Variants in CYLD observed in about 807,000 individuals in gnomAD.
CYLD encodes the protein CYLD lysine 63 deubiquitinase.
Under a neutral mutation model 104.5 loss-of-function variants are expected in CYLD, and 26 were observed. The ratio of observed to expected loss-of-function variants is 0.25; its 90% CI spans 0.18 to 0.35. CYLD has a LOEUF of 0.35. Among genes scored for constraint, CYLD ranks in the 10% least tolerant of loss-of-function variants. CYLD has a pLI of 1.00. For synonymous variants in CYLD, 385 were observed against 399.9 expected (o/e 0.96, Z 0.45); for missense variants, 703 against 1,136.1 (o/e 0.62, Z 5.48).
rs1972077262 is a variant in CYLD, at chr16:50,796,643, C to T, written c.*135C>T. On this transcript the variant is annotated 3_prime_UTR_variant, in exon 19 of 19. Coordinates refer to ENST00000427738, the MANE Select transcript of CYLD (RefSeq NM_001378743.1). Reference sequence around the variant, plus strand: ...GTGATGATCCTTCAGAAAAGGATGCCTCTGTTTAAAAACAAATTGCTTTTG... The same window carrying T: ...GTGATGATCCTTCAGAAAAGGATGCTTCTGTTTAAAAACAAATTGCTTTTG... 1.1e-6 allele frequency: 1 copy of T among 929,348 alleles called. No homozygotes were observed. Among genetic ancestry groups the T allele is most frequent in the South Asian group, 1.4e-5 (1 of 73,324 alleles). The allele number at this position is 929,348 out of a possible 1,614,324, so 57.6% of individuals were successfully genotyped here. A position where few individuals can be genotyped will look rare whatever the true frequency, so the allele number is the denominator to read the frequency against.
rs60845592 is a variant in CYLD at position 50,791,731 on chromosome 16, T to C, written c.2241+41T>C. 65 of 1,608,022 alleles carry C rather than the reference T, an allele frequency of 4.0e-5. No homozygotes were observed. The African/African-American group carries it at 7.5e-4, about 18-fold the overall frequency. Reference sequence around the variant, plus strand: ...CTGTGGTATTTTATGTGAAAGTCTGTGGGAGTCTTAAGACTATTGGTAGTT... The same window carrying C: ...CTGTGGTATTTTATGTGAAAGTCTGCGGGAGTCTTAAGACTATTGGTAGTT... On this transcript the variant is annotated intron_variant, in intron 15 of 18. Coordinates refer to ENST00000427738, the MANE Select transcript of CYLD (RefSeq NM_001378743.1).
intron 1 of CYLD, 123 bp from the exon 2 acceptor site, chr16:50,742,639 T>G: frequency 2.8e-6 from 1 of 351,364 alleles, no homozygotes; most frequent in East Asian, 4.1e-5. Context: ...GGGGCTGTGA[T>G]TCCTACCGAC....
chr16:50,787,622 A>G, intron 13 of CYLD, 164 bp from the exon 14 acceptor site: 1 of 560,202 alleles, frequency 1.8e-6, no homozygotes, highest in Non-Finnish European at 3.2e-6. Context: ...AATGTCTTTT[A>G]TGTTTTTCCT....
intron 5 of CYLD, among the ~76,000 whole-genome samples, chr16:50,772,857 TGAA>T (rs1257997060): frequency 6.6e-6 from 1 of 152,236 alleles, no homozygotes; most frequent in Non-Finnish European, 1.5e-5. Context: ...GCTGGAGCCC[TGAA>T]GAAGGATAAT....
chr16:50,750,099 A>G lies in CYLD; in HGVS notation c.401A>G (p.Gln134Arg). ...QIDVGCPVKVQLRSGEEKFPG... is the reference protein window; with the variant it reads ...QIDVGCPVKVRLRSGEEKFPG... ...GACGTGGGCTGTCCTGTGAAAGTAC[A>G]GCTGAGATCTGGGGAAGAAAAATTT... The change falls in exon 3 of 19, where the codon CAG becomes CGG. Residue 134 changes from glutamine (Q) to arginine (R), a missense_variant. By Grantham distance (43) the Gln-to-Arg change is conservative. Coordinates refer to ENST00000427738, the MANE Select transcript of CYLD (RefSeq NM_001378743.1). 1 of 1,614,166 alleles carries G rather than the reference A, an allele frequency of 6.2e-7. No homozygotes were observed. Among genetic ancestry groups the G allele is most frequent in the Non-Finnish European group, 8.5e-7 (1 of 1,180,008 alleles).
chr16:50,766,927 A>T lies in CYLD; in HGVS notation c.914-8239A>T, dbSNP rs1390103029. On this transcript the variant is annotated intron_variant, in intron 5 of 18. Transcript: ENST00000427738. ...GGATATTGTGAACATCGTTGAGATG[A>T]CAACAAAGGATTTAGAATATTCCAT... Among the ~76,000 whole-genome samples, 3 of 152,252 alleles carry T rather than the reference A, an allele frequency of 2.0e-5. No homozygotes were observed. The East Asian group carries it at 5.8e-4, about 29-fold the overall frequency.
chr16:50,781,001 A>G (rs1029752430), intron 9 of CYLD, among the ~76,000 whole-genome samples: 9 of 152,212 alleles, frequency 5.9e-5, no homozygotes, highest in African/African-American at 2.2e-4. Context: ...AGGTTGAAGC[A>G]TATATTCTGA....
In CYLD at chr16:50,749,804, C is replaced by A. The variant is rs1373751343; in HGVS notation, c.106C>A (p.Gln36Lys). 3.1e-6 allele frequency: 5 copies of A among 1,613,972 alleles called. No homozygotes were observed. The change falls in exon 3 of 19, where the codon CAA becomes AAA. Residue 36 changes from glutamine to lysine, a missense_variant. Transcript: ENST00000427738. ...ATGCAGCGTTACAGACAAACAAACA[C>A]AAAAGCTCCTTAAAGTACCGAAGGG... Reference protein sequence around the residue: ...QECSVTDKQTQKLLKVPKGSI... With the variant: ...QECSVTDKQTKKLLKVPKGSI...
chr16:50,751,708 A>G lies in CYLD; in HGVS notation c.609A>G (p.Glu203=), dbSNP rs2150903682. ...CGVFVALDKL[E]LIEDDDTALE... ...TGTTTGTTGCATTGGACAAGCTAGAACTCATAGAAGATGATGACACTGCAT... is the reference window on the plus strand; with the variant it reads ...TGTTTGTTGCATTGGACAAGCTAGAGCTCATAGAAGATGATGACACTGCAT... Residue 203 remains glutamate, a synonymous_variant, in exon 4 of 19, where the codon GAA becomes GAG. Transcript: ENST00000427738. 1 of 1,613,818 alleles carries G rather than the reference A, an allele frequency of 6.2e-7. No individual in the cohort carries two copies. The highest frequency in any genetic ancestry group is 1.1e-5 in the South Asian group (1 of 91,072).
At chr16:50,757,043 A>G (rs1967327207) in intron 5 of CYLD, among the ~76,000 whole-genome samples, 1 of 152,174 alleles carries the variant, frequency 6.6e-6, no homozygotes, top group Non-Finnish European at 1.5e-5. Flanking sequence ...TTTTGTCTCT[A>G]ATTCTATAAA....
At chr16:50,773,902 C>T (rs936385030) in intron 5 of CYLD, among the ~76,000 whole-genome samples, 1 of 152,134 alleles carries the variant, frequency 6.6e-6, no homozygotes, top group African/African-American at 2.4e-5. Flanking sequence ...CCCTCTCAGA[C>T]AGCCTTTGAC....
chr16:50,795,167 G>A (rs757696966), intron 18 of CYLD, among the ~76,000 whole-genome samples: 1 of 152,182 alleles, frequency 6.6e-6, no homozygotes, highest in Non-Finnish European at 1.5e-5. Flanking sequence ...TTGAGGTATT[G>A]TAGTTTGTGT....
chr16:50,761,757 T>TCTATCTATCTATCTATCTAG (rs1315041525), intron 5 of CYLD, among the ~76,000 whole-genome samples: 6 of 151,972 alleles, frequency 3.9e-5, no homozygotes, highest in Non-Finnish European at 7.4e-5. Context: ...TATCTATCTA[T>TCTATCTATCTATCTATCTAG]CTATCTATCT....
chr16:50,786,779 A>C (rs889234860), intron 12 of CYLD, 76 bp from the exon 13 acceptor site: 1 of 1,152,750 alleles, frequency 8.7e-7, no homozygotes, highest in Admixed American at 2.0e-5. Context: ...AAAAAGAAAA[A>C]AAGAAATATG....
At position 50,779,698 on chromosome 16, in the gene CYLD, T is replaced by A. The variant is rs138976689; in HGVS notation, c.1172T>A (p.Ile391Lys). 1.9e-6 allele frequency: 3 copies of A among 1,614,034 alleles called. No homozygotes were observed. Among genetic ancestry groups the A allele is most frequent in the Non-Finnish European group, 2.5e-6 (3 of 1,179,962 alleles). The change falls in exon 9 of 19, where the codon ATA (isoleucine) becomes AAA (lysine). Residue 391 changes from isoleucine (I) to lysine (K), a missense_variant. Ile to Lys is a moderately radical substitution (Grantham distance 102, BLOSUM62 -3). Transcript: ENST00000427738. ...AEDPAKSLTE[I>K]STDFDRSSPP... ...GACCCTGCAAAATCTCTTACAGAGA[T>A]ATCTACAGACTTTGACCGTTCTTCA...
intron 10 of CYLD, among the ~76,000 whole-genome samples, chr16:50,781,620 A>G (rs1334803503): frequency 3.3e-5 from 5 of 152,334 alleles, no homozygotes; most frequent in Middle Eastern, 3.4e-3. Flanking sequence ...TGCGTTTGGG[A>G]CTTATAAAGT....
At chr16:50,775,216 G>A in intron 6 of CYLD, 42 bp downstream of exon 6, 2 of 1,566,084 alleles carry the variant, frequency 1.3e-6, no homozygotes, top group Non-Finnish European at 1.7e-6. Flanking sequence ...CGGATGTATT[G>A]TTGAATTTTT....
At chr16:50,750,665 G>C (rs769105243) in intron 3 of CYLD, among the ~76,000 whole-genome samples, 1 of 152,154 alleles carries the variant, frequency 6.6e-6, no homozygotes, top group African/African-American at 2.4e-5. Context: ...AACATACAAA[G>C]AGATTCACCT....
At chr16:50,778,999 G>T (rs1490818009) in intron 8 of CYLD, among the ~76,000 whole-genome samples, 1 of 151,998 alleles carries the variant, frequency 6.6e-6, no homozygotes, top group East Asian at 1.9e-4. Flanking sequence ...TCATGTGTTT[G>T]GTTTCTCTTA....
Sources: gnomAD v4.1 joint callset for allele counts (sites outside exome capture counted in the v4.1 genomes callset) on GRCh38, gnomAD v4.1.1 for gene constraint, MANE v1.5 for transcripts, NCBI Gene and HGNC (gene_info 2026-07-23, HGNC 2026-07-21) for gene names.